Variants in A4GALT observed in about 807,000 individuals in gnomAD.
A4GALT encodes the protein lactosylceramide 4-alpha-galactosyltransferase.
For missense variants in A4GALT, 512 were observed against 486.0 expected, an observed-to-expected ratio of 1.05 and a Z score of -0.50; for synonymous variants, 257 against 220.7, an observed-to-expected ratio of 1.16 and a Z score of -1.46.
Position 42,693,523 on chromosome 22 carries a change from C to T in A4GALT, c.429G>A (p.Pro143=), listed in dbSNP as rs1286982557. The change falls in exon 3 of 3, where the codon CCG becomes CCA. Residue 143 remains proline (P), a synonymous_variant. Transcript: ENST00000642412. ...LSCFPNVQML[P]LDLRELFRDT... is the part of the protein sequence containing the mutation. The stretch of plus-strand genomic sequence containing the variant: ...CCCGGAACAGCTCCCGCAGGTCCAG[C>T]GGGAGCATCTGGACATTCGGGAAGC... 1.8e-5 allele frequency: 29 copies of T among 1,613,134 alleles called. No individual in the cohort carries two copies. The highest frequency in any genetic ancestry group is 5.5e-5 in the South Asian group (5 of 91,074).
rs1419736418 is a variant in A4GALT, at chr22:42,714,505, ACT to A, written c.-188+6290_-188+6291del. ...TAGGAGGATGGTTTGCGCCCAGAAGACTGAGCCAGGGTTTCATAACTGCACAC... is the reference window on the plus strand; with the variant it reads ...TAGGAGGATGGTTTGCGCCCAGAAGAGAGCCAGGGTTTCATAACTGCACAC... On this transcript the variant is annotated intron_variant, in intron 1 of 2. Transcript: ENST00000642412. 2.0e-5 allele frequency among the ~76,000 whole-genome samples: 3 copies of A among 151,896 alleles called. No individual in the cohort carries two copies. In the East Asian group the frequency reaches 5.8e-4, roughly 29 times the overall value.
chr22:42,698,518 C>A (rs1369603633), intron 1 of A4GALT, among the ~76,000 whole-genome samples: 1 of 152,232 alleles, frequency 6.6e-6, no homozygotes, highest in Non-Finnish European at 1.5e-5. Flanking sequence ...ACTGGCCAAC[C>A]ATGACCCAAC....
rs865774388 is a variant in A4GALT at position 42,703,259 on chromosome 22, G to T, written c.-187-7628C>A. Reference sequence around the variant, plus strand: ...TTTTTTTTGTTGTTTGTTTGTTTTTGTTTTTTTTTTTTTTGAGACAGAGTC... The same window carrying T: ...TTTTTTTTGTTGTTTGTTTGTTTTTTTTTTTTTTTTTTTTGAGACAGAGTC... On this transcript the variant is annotated intron_variant, in intron 1 of 2. Coordinates refer to ENST00000642412, the MANE Select transcript of A4GALT (RefSeq NM_017436.7). 5.7e-3 allele frequency among the ~76,000 whole-genome samples: 745 copies of T among 131,702 alleles called. 11 individuals carry two copies. The highest frequency in any genetic ancestry group is 7.0e-3 in the Non-Finnish European group (437 of 62,762). The allele number at this position is 131,702 out of a possible 152,430, so 86.4% of individuals were successfully genotyped here.
At chr22:42,701,117 G>C (rs1313264448) in intron 1 of A4GALT, among the ~76,000 whole-genome samples, 1 of 152,188 alleles carries the variant, frequency 6.6e-6, no homozygotes, top group Non-Finnish European at 1.5e-5. Context: ...GGACCAAGGT[G>C]GGCTTCACCC....
At position 42,693,768 on chromosome 22, in the gene A4GALT, G is replaced by A. The variant is rs550629353; in HGVS notation, c.184C>T (p.Pro62Ser). The stretch of plus-strand genomic sequence containing the variant: ...GGTGGGGTGGGGGGTGTCAAGGTGG[G>A]GCAGGGGATCTCTGCTGGCAGGTTA... ...LYNLPAEIPC[P>S]TLTPPTPPSH... Residue 62 changes from proline (P) to serine (S), a missense_variant, in exon 3 of 3, where the codon CCC becomes TCC. Coordinates refer to ENST00000642412, the MANE Select transcript of A4GALT (RefSeq NM_017436.7). The A allele has an allele frequency of 1.2e-6, 2 of 1,603,574 alleles. No homozygotes were observed. The highest frequency in any genetic ancestry group is 1.7e-5 in the Admixed American group (1 of 58,784).
intron 1 of A4GALT, among the ~76,000 whole-genome samples, chr22:42,699,932 C>T (rs935941635): frequency 1.3e-5 from 2 of 152,156 alleles, no homozygotes; most frequent in Non-Finnish European, 1.5e-5. Context: ...CGGAGGAATT[C>T]GCCCCCGTTC....
intron 1 of A4GALT, among the ~76,000 whole-genome samples, chr22:42,720,027 T>C (rs1480862030): frequency 6.6e-6 from 1 of 152,160 alleles, no homozygotes; most frequent in Non-Finnish European, 1.5e-5. Flanking sequence ...GGAAGGGGAC[T>C]CGCCCTGGCA....
chr22:42,696,960 A>T (rs1033942688), intron 1 of A4GALT, among the ~76,000 whole-genome samples: 3 of 145,732 alleles, frequency 2.1e-5, no homozygotes, highest in African/African-American at 5.1e-5. Flanking sequence ...TGAAATTCCA[A>T]CTCCCCCCAT....
At chr22:42,715,815 G>T (rs1269847090) in intron 1 of A4GALT, among the ~76,000 whole-genome samples, 2 of 150,802 alleles carry the variant, frequency 1.3e-5, no homozygotes, top group Non-Finnish European at 2.9e-5. Context: ...ACCACACCTG[G>T]CCGGAAAGAT....
intron 1 of A4GALT, among the ~76,000 whole-genome samples, chr22:42,713,567 T>G (rs1468190774): frequency 6.6e-6 from 1 of 152,028 alleles, no homozygotes; most frequent in Non-Finnish European, 1.5e-5. Context: ...ATCACAGCAC[T>G]TTGGGAGGCC....
At chr22:42,704,938 T>C (rs5758881) in intron 1 of A4GALT, among the ~76,000 whole-genome samples, 43,551 of 150,530 alleles carry the variant, frequency 0.29, 6,591 homozygotes, top group East Asian at 0.57. Flanking sequence ...AAAGGCCACT[T>C]CTAAAAGGGA....
chr22:42,697,579 G>C (rs192067370), intron 1 of A4GALT, among the ~76,000 whole-genome samples: 8 of 152,188 alleles, frequency 5.3e-5, no homozygotes, highest in Admixed American at 3.3e-4. Context: ...AGGATATGTC[G>C]TCGGACCACA....
chr22:42,694,017 G>C lies in A4GALT; in HGVS notation c.-46-20C>G. ...GCTGGTCTGCAAGAGATGAGCACCCGCCATCAGGGAGGCCGTTGGCATTCC... is the reference window on the plus strand; with the variant it reads ...GCTGGTCTGCAAGAGATGAGCACCCCCCATCAGGGAGGCCGTTGGCATTCC... On this transcript the variant is annotated intron_variant, in intron 2 of 2. Coordinates refer to ENST00000642412, the MANE Select transcript of A4GALT (RefSeq NM_017436.7). 2.2e-6 allele frequency: 3 copies of C among 1,385,340 alleles called. No individual in the cohort carries two copies. The highest frequency in any genetic ancestry group is 3.0e-6 in the Non-Finnish European group (3 of 1,006,856). The allele number at this position is 1,385,340 out of a possible 1,614,324, so 85.8% of individuals were successfully genotyped here. A position where few individuals can be genotyped will look rare whatever the true frequency, so the allele number is the denominator to read the frequency against.
intron 1 of A4GALT, among the ~76,000 whole-genome samples, chr22:42,696,336 C>T (rs1018339959): frequency 4.0e-5 from 6 of 150,444 alleles, no homozygotes; most frequent in African/African-American, 1.5e-4. Context: ...AGGAGAATTG[C>T]TTGAATCCAG....
chr22:42,699,343 C>T (rs1421455058), intron 1 of A4GALT, among the ~76,000 whole-genome samples: 1 of 152,176 alleles, frequency 6.6e-6, no homozygotes, highest in Admixed American at 6.5e-5. Context: ...CCTCGGCCTC[C>T]CAAAGTGCTG....
intron 1 of A4GALT, among the ~76,000 whole-genome samples, chr22:42,702,445 G>A (rs781196188): frequency 1.3e-5 from 2 of 151,802 alleles, no homozygotes; most frequent in Non-Finnish European, 2.9e-5. Context: ...GGGTTCAAGC[G>A]ATTCTCTTGC....
chr22:42,712,328 G>A (rs1015278980), intron 1 of A4GALT, among the ~76,000 whole-genome samples: 2 of 152,116 alleles, frequency 1.3e-5, no homozygotes, highest in East Asian at 1.9e-4. Context: ...TTACACCTTC[G>A]CTCTGGACAC....
intron 1 of A4GALT, among the ~76,000 whole-genome samples, chr22:42,698,572 A>G (rs1043195615): frequency 3.9e-5 from 6 of 152,218 alleles, no homozygotes; most frequent in African/African-American, 1.4e-4. Context: ...CTGAGTGCTG[A>G]CAGAGAGGCT....
chr22:42,698,021 T>C (rs130399), intron 1 of A4GALT, among the ~76,000 whole-genome samples: 114,214 of 151,984 alleles, frequency 0.75, 44,055 homozygotes, highest in African/African-American at 0.94. Context: ...GAGGCTGAGG[T>C]GGGCGGATCA....
Sources: gnomAD v4.1 joint callset for allele counts (sites outside exome capture counted in the v4.1 genomes callset) on GRCh38, gnomAD v4.1.1 for gene constraint, MANE v1.5 for transcripts, NCBI Gene and HGNC (gene_info 2026-07-23, HGNC 2026-07-21) for gene names.